Variants in THG1L observed in about 807,000 individuals in gnomAD.
THG1L encodes probable tRNA(His) guanylyltransferase.
Under a neutral mutation model 35.2 loss-of-function variants are expected in THG1L, and 27 were observed. The observed-to-expected ratio is 0.77, with a 90% confidence interval of 0.57 to 1.06. THG1L has a LOEUF of 1.06. Ranked by LOEUF, THG1L falls within the 50% of genes least tolerant of loss-of-function variation. The pLI is 0.00. For missense variants in THG1L, 377 were observed against 371.8 expected (o/e 1.01, Z -0.12); for synonymous variants, 135 against 132.4 (o/e 1.02, Z -0.14).
Position 157,737,915 on chromosome 5 carries a change from T to C in THG1L, c.656T>C (p.Ile219Thr), listed in dbSNP as rs1328212469. 6.2e-7 allele frequency: 1 copy of C among 1,613,242 alleles called. No homozygotes were observed. The highest frequency in any genetic ancestry group is 1.7e-5 in the Admixed American group (1 of 59,890). The part of the protein sequence containing the change: ...QGTLAADKNE[I>T]LFSEFNINYN... Reference sequence around the variant, plus strand: ...ACTCTTGCAGCAGACAAGAATGAGATTTTGTTTTCTGAATTCAACATCAAC... The same window carrying C: ...ACTCTTGCAGCAGACAAGAATGAGACTTTGTTTTCTGAATTCAACATCAAC... The change falls in exon 5 of 6, where the codon ATT (isoleucine) becomes ACT (threonine). Residue 219 changes from isoleucine to threonine, a missense_variant. Transcript: ENST00000231198.
Position 157,735,910 on chromosome 5 carries a change from A to T in THG1L, c.603A>T (p.Pro201=), listed in dbSNP as rs1255280310. ...TTATACAACAATCTGGACTAACACC[A>T]GTACAAGCCCAAGGGAGATTACAGG... ...WALIQQSGLT[P]VQAQGRLQGT... is the part of the protein sequence containing the mutation. The change falls in exon 4 of 6, where the codon CCA becomes CCT. Residue 201 remains proline (P), a synonymous_variant. Coordinates refer to ENST00000231198, the MANE Select transcript of THG1L (RefSeq NM_017872.5). The T allele has an allele frequency of 6.2e-7, 1 of 1,605,864 alleles. No homozygotes were observed. Among genetic ancestry groups the T allele is most frequent in the African/African-American group, 1.3e-5 (1 of 74,438 alleles).
intron 1 of THG1L, 96 bp downstream of exon 1, chr5:157,731,727 T>A: frequency 6.9e-7 from 1 of 1,456,926 alleles, no homozygotes; most frequent in Non-Finnish European, 9.3e-7. Flanking sequence ...CCAGTCACGG[T>A]TACCAGGGTA....
At chr5:157,731,797 A>T (rs185878417) in intron 1 of THG1L, among the ~76,000 whole-genome samples, 166 bp downstream of exon 1, 9 of 152,346 alleles carry the variant, frequency 5.9e-5, no homozygotes, top group Non-Finnish European at 7.3e-5. Flanking sequence ...GTTGGCTAGG[A>T]CAGTGCCTGA....
rs1347818200 is a variant in THG1L, at chr5:157,740,254, G to A, written c.*772G>A. 6.6e-6 allele frequency: 1 copy of A among 152,222 alleles called. No individual in the cohort carries two copies. The highest frequency in any genetic ancestry group is 1.5e-5 in the Non-Finnish European group (1 of 68,048). The allele number at this position is 152,222 out of a possible 1,614,324, so 9.4% of individuals were successfully genotyped here. A position where few individuals can be genotyped will look rare whatever the true frequency, so the allele number is the denominator to read the frequency against. On this transcript the variant is annotated 3_prime_UTR_variant, in exon 6 of 6. Transcript: ENST00000231198. ...GAGGATGAAGAAACATTTACCCCAT[G>A]TACTCAAGACATTTCAGTTTTAAAA...
Position 157,740,027 on chromosome 5 carries a change from C to A in THG1L, c.*545C>A, listed in dbSNP as rs1466859022. ...GGAAAACTCGGGGCTTTGTGCCAGTCTCTAAGTTGGCAACTTTGGCTGAAC... is the reference window on the plus strand; with the variant it reads ...GGAAAACTCGGGGCTTTGTGCCAGTATCTAAGTTGGCAACTTTGGCTGAAC... On this transcript the variant is annotated 3_prime_UTR_variant, in exon 6 of 6. Transcript: ENST00000231198. The A allele has an allele frequency of 6.6e-6, 1 of 152,240 alleles. No homozygotes were observed. Among genetic ancestry groups the A allele is most frequent in the Middle Eastern group, 3.2e-3 (1 of 316 alleles). 9.4% of individuals were successfully genotyped at this position (152,240 alleles called of 1,614,324 possible).
At chr5:157,732,742 T>A (rs1581437686) in intron 1 of THG1L, 126 bp from the exon 2 acceptor site, 4 of 1,111,442 alleles carry the variant, frequency 3.6e-6, no homozygotes. Context: ...TTGTGGCTAG[T>A]TGAGCATTTG....
At chr5:157,732,421 T>G (rs1760753793) in intron 1 of THG1L, among the ~76,000 whole-genome samples, 1 of 151,862 alleles carries the variant, frequency 6.6e-6, no homozygotes, top group African/African-American at 2.4e-5. Flanking sequence ...GCACTCCAGC[T>G]TGGGTGACAG....
intron 4 of THG1L, 127 bp from the exon 5 acceptor site, chr5:157,737,760 A>G (rs1760921512): frequency 1.0e-5 from 7 of 675,658 alleles, no homozygotes; most frequent in South Asian, 4.0e-5. Flanking sequence ...ACTAATAACT[A>G]TAAGATGTTT....
intron 5 of THG1L, chr5:157,738,578 A>G: frequency 2.4e-6 from 1 of 420,444 alleles, no homozygotes; most frequent in South Asian, 1.7e-5. Context: ...CCTTCCATGT[A>G]AAGTTTTTTT....
intron 3 of THG1L, 132 bp downstream of exon 3, chr5:157,734,877 A>AT: frequency 2.2e-6 from 2 of 928,524 alleles, no homozygotes; most frequent in African/African-American, 1.7e-5. Flanking sequence ...GTATTTAAAT[A>AT]TTTTTTCAAT....
intron 5 of THG1L, 72 bp from the exon 6 acceptor site, chr5:157,739,249 C>A: frequency 6.7e-7 from 1 of 1,488,804 alleles, no homozygotes. Context: ...AGTGAGCTAT[C>A]CCCACATCTT....
Position 157,739,443 on chromosome 5 carries a change from C to T in THG1L, c.858C>T (p.Phe286=). ...ACTGCGATATCATCGGGGATGCTTT[C>T]TGGAAGGAACATCCAGAGATTCTAG... The part of the protein sequence containing the change: ...PLHCDIIGDA[F]WKEHPEILDE... The change falls in exon 6 of 6, where the codon TTC becomes TTT. Residue 286 remains phenylalanine (F), a synonymous_variant. Coordinates refer to ENST00000231198, the MANE Select transcript of THG1L (RefSeq NM_017872.5). The T allele has an allele frequency of 6.2e-7, 1 of 1,613,698 alleles. No individual in the cohort carries two copies. Among genetic ancestry groups the T allele is most frequent in the African/African-American group, 1.3e-5 (1 of 75,028 alleles).
chr5:157,735,342 C>A (rs1338226228), intron 3 of THG1L, among the ~76,000 whole-genome samples: 1 of 152,196 alleles, frequency 6.6e-6, no homozygotes, highest in Admixed American at 6.5e-5. Context: ...TTTACACACA[C>A]ACACACACAC....
rs766582679 is a variant in THG1L at position 157,732,989 on chromosome 5, G to A, written c.313G>A (p.Asp105Asn). Reference protein sequence around the residue: ...EDIVIAYGQSDEYSFVFKRKT... With the variant: ...EDIVIAYGQSNEYSFVFKRKT... Reference sequence around the variant, plus strand: ...TATTGTGATCGCGTATGGACAGAGTGATGAGTACAGCTTTGTGTTCAAGCG... The same window carrying A: ...TATTGTGATCGCGTATGGACAGAGTAATGAGTACAGCTTTGTGTTCAAGCG... Residue 105 changes from aspartate (D) to asparagine (N), a missense_variant, in exon 2 of 6, where the codon GAT becomes AAT. Asp to Asn is a conservative substitution (Grantham distance 23). Transcript: ENST00000231198. 93 of 1,614,102 alleles carry A rather than the reference G, an allele frequency of 5.8e-5. No homozygotes were observed. The highest frequency in any genetic ancestry group is 7.8e-5 in the Non-Finnish European group (92 of 1,180,048).
chr5:157,735,914 C>A lies in THG1L; in HGVS notation c.607C>A (p.Gln203Lys), dbSNP rs763823386. ...ACAACAATCTGGACTAACACCAGTA[C>A]AAGCCCAAGGGAGATTACAGGTATA... Reference protein sequence around the residue: ...LIQQSGLTPVQAQGRLQGTLA... With the variant: ...LIQQSGLTPVKAQGRLQGTLA... Residue 203 changes from glutamine (Q) to lysine (K), a missense_variant, in exon 4 of 6, where the codon CAA becomes AAA. Coordinates refer to ENST00000231198, the MANE Select transcript of THG1L (RefSeq NM_017872.5). 6.2e-7 allele frequency: 1 copy of A among 1,605,440 alleles called. No individual in the cohort carries two copies. Among genetic ancestry groups the A allele is most frequent in the Non-Finnish European group, 8.5e-7 (1 of 1,175,804 alleles).
At chr5:157,738,020 A>T in intron 5 of THG1L, 26 bp downstream of exon 5, 1 of 1,581,950 alleles carries the variant, frequency 6.3e-7, no homozygotes, top group Non-Finnish European at 8.7e-7. Context: ...TCAAAGAAAA[A>T]TGGAAGTCAG....
chr5:157,732,233 AAAAAAAAAAAAG>A (rs1366074956), intron 1 of THG1L, among the ~76,000 whole-genome samples: 15 of 118,480 alleles, frequency 1.3e-4, no homozygotes, highest in Middle Eastern at 4.1e-3. Flanking sequence ...AAAAAAAAAA[AAAAAAAAAAAAG>A]AGAGAGAGAG....
Position 157,734,688 on chromosome 5 carries a change from G to T in THG1L, c.481G>T (p.Val161Leu), listed in dbSNP as rs752537583. 5.6e-6 allele frequency: 9 copies of T among 1,613,980 alleles called. No homozygotes were observed. Among genetic ancestry groups the T allele is most frequent in the Non-Finnish European group, 7.6e-6 (9 of 1,180,032 alleles). ...LYPPGFDGRV[V>L]VYPSNQTLKD... The stretch of plus-strand genomic sequence containing the variant: ...TCCCCCAGGCTTTGACGGAAGAGTC[G>T]TGGTGTATCCCAGCAACCAGACTTT... Residue 161 changes from valine (V) to leucine (L), a missense_variant, in exon 3 of 6, where the codon GTG becomes TTG. Val to Leu is a conservative substitution (Grantham distance 32). Transcript: ENST00000231198.
chr5:157,736,061 A>T, intron 4 of THG1L, 127 bp downstream of exon 4: 1 of 666,346 alleles, frequency 1.5e-6, no homozygotes, highest in Middle Eastern at 3.2e-4. Flanking sequence ...TTTTGAAAGG[A>T]TATAAAAATC....
Sources: gnomAD v4.1 joint callset for allele counts (sites outside exome capture counted in the v4.1 genomes callset) on GRCh38, gnomAD v4.1.1 for gene constraint, MANE v1.5 for transcripts, NCBI Gene and HGNC (gene_info 2026-07-23, HGNC 2026-07-21) for gene names.